Variants in KRT8 observed in about 807,000 individuals in gnomAD.
KRT8 encodes keratin, type II cytoskeletal 8.
In KRT8, 24 loss-of-function variants were observed where a neutral mutation model predicts 43.0. The ratio of observed to expected loss-of-function variants is 0.56; its 90% CI spans 0.40 to 0.78. The LOEUF is 0.78. KRT8 is among the 30% of genes least tolerant of loss of function. KRT8 has a pLI of 0.00. For synonymous variants in KRT8, 214 were observed against 261.2 expected (o/e 0.82, Z 1.74); for missense variants, 492 against 638.4 (o/e 0.77, Z 2.47).
upstream of KRT8, among the ~76,000 whole-genome samples, chr12:52,905,845 G>A (rs1289164724): frequency 1.3e-5 from 2 of 152,160 alleles, no homozygotes; most frequent in African/African-American, 4.8e-5. Flanking sequence ...TGTAATCCCA[G>A]CACTTTGGGA....
chr12:52,901,099 G>T, intron 3 of KRT8, 60 bp downstream of exon 3: 2 of 1,202,948 alleles, frequency 1.7e-6, no homozygotes, highest in African/African-American at 1.5e-5. Context: ...AAAGCTTCTT[G>T]GTCTGAGTCT....
chr12:52,925,588 C>T (rs542000131), intron 2 of KRT8, among the ~76,000 whole-genome samples: 4 of 152,174 alleles, frequency 2.6e-5, no homozygotes, highest in African/African-American at 2.4e-5. Context: ...ATCTCTTTGG[C>T]GGAGGTGGGG....
At chr12:52,926,332 G>GGCCACCCCCCCC in intron 2 of KRT8, 1 of 600,274 alleles carries the variant, frequency 1.7e-6, no homozygotes, top group African/African-American at 1.9e-5. Context: ...GGCACTAGCT[G>GGCCACCCCCCCC]CCCTCCCCAC....
chr12:52,949,101 T>C (rs1942408365), intron 2 of KRT8: 1 of 1,330,444 alleles, frequency 7.5e-7, no homozygotes, highest in South Asian at 1.2e-5. Flanking sequence ...ATAACTCGGG[T>C]CGCGCGGCTC....
At chr12:52,911,024 C>A (rs1941626405), upstream of KRT8, among the ~76,000 whole-genome samples, 1 of 152,046 alleles carries the variant, frequency 6.6e-6, no homozygotes, top group African/African-American at 2.4e-5. Context: ...CTCCTTTGAC[C>A]AAGGCAAGGT....
intron 2 of KRT8, among the ~76,000 whole-genome samples, chr12:52,926,151 G>GC (rs1308893434): frequency 1.8e-5 from 1 of 55,250 alleles, no homozygotes; most frequent in Non-Finnish European, 3.8e-5. Context: ...CCTGCCCCCC[G>GC]CCCCCCACCA....
chr12:52,920,767 C>T (rs1251641935), intron 2 of KRT8, among the ~76,000 whole-genome samples: 1 of 152,194 alleles, frequency 6.6e-6, no homozygotes, highest in Non-Finnish European at 1.5e-5. Flanking sequence ...CCCAGCCAGG[C>T]ACAGTGGCTC....
chr12:52,934,315 C>T (rs941498776), intron 2 of KRT8, among the ~76,000 whole-genome samples: 1 of 152,058 alleles, frequency 6.6e-6, no homozygotes, highest in Non-Finnish European at 1.5e-5. Flanking sequence ...AATCCCAGCA[C>T]TTTGGGAGGA....
chr12:52,901,599 C>T, intron 2 of KRT8: 2 of 580,982 alleles, frequency 3.4e-6, no homozygotes, highest in East Asian at 5.8e-5. Flanking sequence ...TCTCCCGTCT[C>T]AGGTTTACCA....
At chr12:52,902,574 G>C (rs1164788365) in intron 1 of KRT8, among the ~76,000 whole-genome samples, 5 of 152,022 alleles carry the variant, frequency 3.3e-5, no homozygotes, top group African/African-American at 7.2e-5. Context: ...ATTTTTAGTA[G>C]AGACAGGGTT....
chr12:52,906,654 G>A (rs528631158), upstream of KRT8: 1 of 455,374 alleles, frequency 2.2e-6, no homozygotes, highest in African/African-American at 2.0e-5. Context: ...TTACCTGATG[G>A]CTGGGGCTGG....
At chr12:52,925,381 C>T (rs1161465215) in intron 2 of KRT8, among the ~76,000 whole-genome samples, 1 of 152,134 alleles carries the variant, frequency 6.6e-6, no homozygotes, top group Non-Finnish European at 1.5e-5. Context: ...AGACTGTGGG[C>T]CCCGAAGCAT....
chr12:52,927,512 G>A (rs1169542989), intron 2 of KRT8, among the ~76,000 whole-genome samples: 1 of 152,200 alleles, frequency 6.6e-6, no homozygotes, highest in Non-Finnish European at 1.5e-5. Flanking sequence ...TGGCAACAAG[G>A]CCAGAGCCAT....
rs569957540 is a variant in KRT8, at chr12:52,900,937, GCT to G, written c.594+220_594+221del. The G allele has an allele frequency of 2.7e-4, 171 of 637,206 alleles. 4 individuals are homozygous for G. In the South Asian group the frequency reaches 3.1e-3, roughly 11 times the overall value. 39.5% of individuals were successfully genotyped at this position (637,206 alleles called of 1,614,324 possible). On this transcript the variant is annotated intron_variant, in intron 3 of 7. Coordinates refer to ENST00000692008, the Ensembl canonical transcript of KRT8. The stretch of plus-strand genomic sequence containing the variant: ...CTAGAGCCAGATCTCCAGTTCTACT[GCT>G]CTGTTTTCTGAACCATGTCCCAACA...
At chr12:52,897,911 C>T (rs1941254551) in intron 7 of KRT8, among the ~76,000 whole-genome samples, 1 of 152,180 alleles carries the variant, frequency 6.6e-6, no homozygotes, top group African/African-American at 2.4e-5. Flanking sequence ...TACAGCCAGG[C>T]CCAGTGTCTC....
upstream of KRT8, among the ~76,000 whole-genome samples, chr12:52,908,308 C>T (rs1941565218): frequency 6.6e-6 from 1 of 152,126 alleles, no homozygotes; most frequent in Non-Finnish European, 1.5e-5. Context: ...TCACTGCAAG[C>T]TCCGCCTCCC....
At chr12:52,901,724 C>A (rs546575913) in intron 2 of KRT8, 140 bp downstream of exon 2, 103 of 703,592 alleles carry the variant, frequency 1.5e-4, no homozygotes, top group African/African-American at 9.4e-4. Flanking sequence ...CTGTTCCGAG[C>A]AAACCTCATC....
intron 1 of KRT8, among the ~76,000 whole-genome samples, chr12:52,904,076 G>C (rs1248736026): frequency 6.6e-6 from 1 of 151,704 alleles, no homozygotes; most frequent in African/African-American, 2.4e-5. Flanking sequence ...CGTTTGAACC[G>C]AGACACCCAC....
upstream of KRT8, among the ~76,000 whole-genome samples, chr12:52,911,112 G>A (rs965357570): frequency 1.3e-5 from 2 of 152,148 alleles, no homozygotes; most frequent in African/African-American, 4.8e-5. Flanking sequence ...AGCACTTTGG[G>A]AGGCCGAGGC....
Sources: gnomAD v4.1 joint callset for allele counts (sites outside exome capture counted in the v4.1 genomes callset) on GRCh38, gnomAD v4.1.1 for gene constraint, MANE v1.5 for transcripts, NCBI Gene and HGNC (gene_info 2026-07-23, HGNC 2026-07-21) for gene names.